The following RANBP2 variants were observed in gnomAD, a reference collection of about 807,000 sequenced individuals.
RANBP2 encodes E3 SUMO-protein ligase RanBP2.
RANBP2 carries 57 observed loss-of-function variants against 303.6 expected under a neutral mutation model. That is an observed-to-expected ratio of 0.19 (90% confidence interval 0.15 to 0.23). The LOEUF (loss-of-function observed/expected upper bound fraction) is 0.23. Among genes scored for constraint, RANBP2 ranks in the 10% least tolerant of loss-of-function variants. The pLI, the probability that RANBP2 is intolerant of heterozygous loss-of-function variation, is 1.00. For synonymous variants in RANBP2, 1,167 were observed against 1,301.5 expected (o/e 0.90, Z 2.23); for missense variants, 3,138 against 3,780.8 (o/e 0.83, Z 4.46).
chr2:109,319,475 A>C, the RANBP2 span, among the ~76,000 whole-genome samples: 2 of 151,926 alleles, frequency 1.3e-5, no homozygotes, highest in Non-Finnish European at 2.9e-5. Flanking sequence ...TTACTCTTGC[A>C]CTTCTGCTGG....
At chr2:109,376,846 G>A in the RANBP2 span, among the ~76,000 whole-genome samples, 7 of 152,220 alleles carry the variant, frequency 4.6e-5, no homozygotes, top group Non-Finnish European at 8.8e-5. Flanking sequence ...ACAGTAAAGG[G>A]CGGGGAGGAA....
At chr2:109,377,730 C>T in the RANBP2 span, among the ~76,000 whole-genome samples, 1 of 152,170 alleles carries the variant, frequency 6.6e-6, no homozygotes, top group African/African-American at 2.4e-5. Flanking sequence ...ATGATGATAG[C>T]GTGCCTCATC....
the RANBP2 span, among the ~76,000 whole-genome samples, chr2:108,938,105 A>G: frequency 1.5e-4 from 23 of 152,238 alleles, no homozygotes; most frequent in Non-Finnish European, 2.6e-4. Flanking sequence ...CTCTCTGTGC[A>G]TCACTGAATC....
chr2:108,748,824 C>G, intron 8 of RANBP2, 96 bp from the exon 9 acceptor site: 2 of 1,609,000 alleles, frequency 1.2e-6, no homozygotes, highest in Non-Finnish European at 8.5e-7. Context: ...ATGCAGTAAT[C>G]ATGTTATTTC....
At chr2:109,115,974 C>A in the RANBP2 span, among the ~76,000 whole-genome samples, 2 of 152,354 alleles carry the variant, frequency 1.3e-5, no homozygotes, top group East Asian at 3.9e-4. Flanking sequence ...TCTCTTCTGG[C>A]TTGTAGAGTT....
the RANBP2 span, among the ~76,000 whole-genome samples, chr2:109,420,623 T>G: frequency 6.6e-6 from 1 of 152,080 alleles, no homozygotes; most frequent in Non-Finnish European, 1.5e-5. Context: ...ATTTTTGTAT[T>G]TTTAGTAGAG....
At chr2:109,649,676 G>A in the RANBP2 span, among the ~76,000 whole-genome samples, 1 of 152,144 alleles carries the variant, frequency 6.6e-6, no homozygotes, top group Non-Finnish European at 1.5e-5. Flanking sequence ...GGGATTACAG[G>A]CATGTGCCAC....
At chr2:108,863,539 A>G in the RANBP2 span, among the ~76,000 whole-genome samples, 1 of 152,216 alleles carries the variant, frequency 6.6e-6, no homozygotes, top group South Asian at 2.1e-4. Flanking sequence ...TTTGTTGGGC[A>G]TCATCAAGAC....
the RANBP2 span, among the ~76,000 whole-genome samples, chr2:109,195,376 C>T: frequency 7.9e-5 from 12 of 152,344 alleles, no homozygotes; most frequent in Non-Finnish European, 1.5e-4. Flanking sequence ...GCCAAGCTTC[C>T]CTGCCCTCTG....
chr2:109,442,564 A>G, the RANBP2 span, among the ~76,000 whole-genome samples: 16 of 152,314 alleles, frequency 1.1e-4, no homozygotes, highest in African/African-American at 2.9e-4. Flanking sequence ...AAAATGTACA[A>G]TAAACAAAAA....
the RANBP2 span, among the ~76,000 whole-genome samples, chr2:109,765,259 C>T: frequency 1.4e-5 from 2 of 144,762 alleles, no homozygotes; most frequent in African/African-American, 2.6e-5. Flanking sequence ...AACAAATACA[C>T]GTTTAACACT....
the RANBP2 span, among the ~76,000 whole-genome samples, chr2:109,733,703 A>G: frequency 6.6e-6 from 1 of 151,990 alleles, no homozygotes; most frequent in Non-Finnish European, 1.5e-5. Flanking sequence ...AAATACACGA[A>G]AAAACAAAAA....
At chr2:109,129,488 C>T in the RANBP2 span, 50 of 1,494,148 alleles carry the variant, frequency 3.3e-5, no homozygotes, top group Non-Finnish European at 3.4e-5. Context: ...GCGGGCTCCA[C>T]GCCGGCCCCG....
chr2:109,576,873 A>C, the RANBP2 span, among the ~76,000 whole-genome samples: 169 of 152,340 alleles, frequency 1.1e-3, no homozygotes, highest in African/African-American at 3.5e-3. Context: ...TATTTCATCA[A>C]AGTTTTCAAA....
At chr2:109,126,570 C>A in the RANBP2 span, among the ~76,000 whole-genome samples, 11 of 152,070 alleles carry the variant, frequency 7.2e-5, no homozygotes, top group African/African-American at 2.7e-4. Flanking sequence ...CCAGGAGTGG[C>A]TGATGTTGTT....
At chr2:109,428,100 T>G in the RANBP2 span, among the ~76,000 whole-genome samples, 1 of 152,178 alleles carries the variant, frequency 6.6e-6, no homozygotes, top group African/African-American at 2.4e-5. Context: ...GAGTGGGTGC[T>G]GCACCTAGAT....
chr2:109,244,339 GAC>G, the RANBP2 span, among the ~76,000 whole-genome samples: 1 of 152,168 alleles, frequency 6.6e-6, no homozygotes, highest in African/African-American at 2.4e-5. Flanking sequence ...TGAGAAAAGT[GAC>G]ACAGAGCAGA....
the RANBP2 span, among the ~76,000 whole-genome samples, chr2:109,380,656 A>T: frequency 4.6e-5 from 7 of 152,144 alleles, no homozygotes; most frequent in African/African-American, 1.7e-4. Flanking sequence ...CTCAGTCATC[A>T]CTGGGGCCAC....
the RANBP2 span, among the ~76,000 whole-genome samples, chr2:109,170,282 C>G: frequency 7.7e-6 from 1 of 129,336 alleles, no homozygotes; most frequent in Non-Finnish European, 1.7e-5. Flanking sequence ...CTCTTCTCTT[C>G]TCTTCTCTTC....
Sources: allele counts gnomAD v4.1 joint callset (sites outside exome capture counted in the v4.1 genomes callset), GRCh38; gene constraint gnomAD v4.1.1; transcripts MANE v1.5; gene names NCBI Gene and HGNC (gene_info 2026-07-23, HGNC 2026-07-21).